CHORDC1: variants seen among roughly 807,000 people sequenced by gnomAD.
The protein encoded by CHORDC1 is cysteine and histidine-rich domain-containing protein 1.
Under a neutral mutation model 48.3 loss-of-function variants are expected in CHORDC1, and 25 were observed. The ratio of observed to expected loss-of-function variants is 0.52; its 90% CI spans 0.38 to 0.72. CHORDC1 has a LOEUF of 0.72. Ranked by LOEUF, CHORDC1 falls within the 30% of genes least tolerant of loss-of-function variation. The pLI is 0.00. For synonymous variants in CHORDC1, 128 were observed against 126.4 expected (o/e 1.01, Z -0.09); for missense variants, 317 against 388.7 (o/e 0.82, Z 1.55).
chr11:90,211,655 C>T (rs1161578240), intron 4 of CHORDC1: 8 of 212,286 alleles, frequency 3.8e-5, no homozygotes, highest in African/African-American at 4.8e-5. Context: ...CCATAATGTA[C>T]TTTTACATCC....
At chr11:90,217,094 C>T (rs932790839) in intron 2 of CHORDC1, among the ~76,000 whole-genome samples, 1 of 152,188 alleles carries the variant, frequency 6.6e-6, no homozygotes, top group African/African-American at 2.4e-5. Flanking sequence ...GGAATAAGGT[C>T]TCAACTTGCC....
rs1857576404 is a variant in CHORDC1 at position 90,202,862 on chromosome 11, A to G, written c.803T>C (p.Ile268Thr). ...AAATTCCTTCTCTCCTTCAAATACA[A>G]TATGCACATTTAACTGAAAAAGATA... is the stretch of plus-strand genomic sequence containing the variant. ...EANSTLLNVH[I>T]VFEGEKEFDQ... is the part of the protein sequence containing the mutation. The change falls in exon 10 of 11, where the codon ATT (isoleucine) becomes ACT (threonine). Residue 268 changes from isoleucine to threonine, a missense_variant. By Grantham distance (89) the Ile-to-Thr change is moderately conservative. Coordinates refer to ENST00000320585, the MANE Select transcript of CHORDC1 (RefSeq NM_012124.3). 2 of 1,601,540 alleles carry G rather than the reference A, an allele frequency of 1.2e-6. No individual in the cohort carries two copies. Among genetic ancestry groups the G allele is most frequent in the Non-Finnish European group, 1.7e-6 (2 of 1,173,664 alleles).
At chr11:90,205,605 A>G (rs1032672283) in intron 7 of CHORDC1, 40 bp from the exon 8 acceptor site, 1 of 1,240,438 alleles carries the variant, frequency 8.1e-7, no homozygotes, top group Non-Finnish European at 1.2e-6. Context: ...ATAAAATCTC[A>G]CAACCAATTA....
chr11:90,207,768 A>AAAAAAAC (rs1565168440), intron 6 of CHORDC1: 2 of 148,338 alleles, frequency 1.3e-5, no homozygotes, highest in Non-Finnish European at 3.0e-5. Context: ...ATACAAAAAA[A>AAAAAAAC]AAAAAAAAAA....
intron 1 of CHORDC1, chr11:90,222,645 G>C (rs1464808875): frequency 1.5e-6 from 1 of 685,784 alleles, no homozygotes; most frequent in South Asian, 1.5e-5. Flanking sequence ...TGGATCCATG[G>C]GAGCGTCTCT....
intron 6 of CHORDC1, chr11:90,207,759 T>TAAAAAAAAAAAA (rs1857736256): frequency 8.9e-4 from 3 of 3,358 alleles, no homozygotes; most frequent in East Asian, 8.5e-3. Context: ...ATGGTTAAAA[T>TAAAAAAAAAAAA]ACAAAAAAAA....
At chr11:90,213,753 G>T (rs565813135) in intron 4 of CHORDC1, 4 of 446,814 alleles carry the variant, frequency 9.0e-6, no homozygotes, top group Non-Finnish European at 1.6e-5. Flanking sequence ...CAAGAAAAAT[G>T]TGACTTCCCT....
At chr11:90,211,507 G>C in intron 4 of CHORDC1, 189 bp from the exon 5 acceptor site, 1 of 468,360 alleles carries the variant, frequency 2.1e-6, no homozygotes, top group Non-Finnish European at 3.8e-6. Flanking sequence ...TAACAGAAAA[G>C]CTCCTTATAT....
chr11:90,215,201 A>T lies in CHORDC1; in HGVS notation c.144T>A (p.Thr48=). 6.4e-7 allele frequency: 1 copy of T among 1,561,142 alleles called. No homozygotes were observed. Among genetic ancestry groups the T allele is most frequent in the Non-Finnish European group, 8.7e-7 (1 of 1,147,612 alleles). The change falls in exon 3 of 11, where the codon ACT becomes ACA. Residue 48 remains threonine, a synonymous_variant. Coordinates refer to ENST00000320585, the MANE Select transcript of CHORDC1 (RefSeq NM_012124.3). The part of the protein sequence containing the change: ...KGWSCCKRRT[T]DFSDFLSIVG... ...CAATGCTTAAGAAATCAGAAAAATC[A>T]GTTGTTCTTCTCTTACAGCAAGACC...
At chr11:90,213,506 C>A in intron 4 of CHORDC1, 2 of 628,986 alleles carry the variant, frequency 3.2e-6, no homozygotes, top group South Asian at 1.7e-5. Flanking sequence ...CTGTACAACT[C>A]TATTGCACAA....
chr11:90,205,410 G>A, intron 8 of CHORDC1, 50 bp downstream of exon 8: 1 of 1,073,244 alleles, frequency 9.3e-7, no homozygotes, highest in African/African-American at 1.6e-5. Context: ...TTTAAAAAAT[G>A]ACTCAGATGA....
At chr11:90,211,144 T>C in intron 5 of CHORDC1, 71 bp downstream of exon 5, 1 of 1,040,060 alleles carries the variant, frequency 9.6e-7, no homozygotes, top group Non-Finnish European at 1.4e-6. Flanking sequence ...AGTAAACTAC[T>C]ATTCTCTCTT....
intron 8 of CHORDC1, among the ~76,000 whole-genome samples, chr11:90,204,942 T>A (rs1857635767): frequency 6.6e-6 from 1 of 151,962 alleles, no homozygotes; most frequent in South Asian, 2.1e-4. Context: ...GAAATGATGC[T>A]TTTTTCCCCC....
intron 3 of CHORDC1, among the ~76,000 whole-genome samples, chr11:90,214,502 C>T (rs1382767062): frequency 1.3e-5 from 2 of 151,604 alleles, no homozygotes; most frequent in Non-Finnish European, 2.9e-5. Flanking sequence ...AAATCTGTTA[C>T]TCGAAAGGCC....
At chr11:90,221,049 GAGACTATA>G (rs1565174198) in intron 1 of CHORDC1, among the ~76,000 whole-genome samples, 7 of 151,688 alleles carry the variant, frequency 4.6e-5, no homozygotes, top group Non-Finnish European at 1.0e-4. Context: ...AAAAAATCAT[GAGACTATA>G]AGTCAACGAG....
At chr11:90,215,052 G>A (rs1857972981) in intron 3 of CHORDC1, 122 bp downstream of exon 3, 5 of 487,870 alleles carry the variant, frequency 1.0e-5, no homozygotes, top group Middle Eastern at 1.1e-3. Flanking sequence ...TTTTTGAAAG[G>A]TGTTATCTGC....
chr11:90,206,116 T>C, intron 7 of CHORDC1, 86 bp downstream of exon 7: 1 of 843,716 alleles, frequency 1.2e-6, no homozygotes, highest in Non-Finnish European at 2.0e-6. Context: ...CTAATAACAC[T>C]GCATGGCAAA....
chr11:90,222,961 T>G lies in CHORDC1; in HGVS notation c.-7A>C, dbSNP rs1282986063. The G allele has an allele frequency of 6.2e-7, 1 of 1,613,150 alleles. No homozygotes were observed. The highest frequency in any genetic ancestry group is 8.5e-7 in the Non-Finnish European group (1 of 1,179,336). On this transcript the variant is annotated 5_prime_UTR_variant, in exon 1 of 11. Coordinates refer to ENST00000320585, the MANE Select transcript of CHORDC1 (RefSeq NM_012124.3). ...TGTAGCACAGCAAGGCCATTTTCTT[T>G]TCCCACCGTCACAGGCAAGGCCCAA...
At chr11:90,219,748 C>A (rs962402332) in intron 1 of CHORDC1, among the ~76,000 whole-genome samples, 1 of 152,168 alleles carries the variant, frequency 6.6e-6, no homozygotes, top group Admixed American at 6.5e-5. Context: ...TTTCCCACTC[C>A]TTACTATATA....
Sources: gnomAD v4.1 joint callset for allele counts (sites outside exome capture counted in the v4.1 genomes callset) on GRCh38, gnomAD v4.1.1 for gene constraint, MANE v1.5 for transcripts, NCBI Gene and HGNC (gene_info 2026-07-23, HGNC 2026-07-21) for gene names.